Variants in ASGR2 observed in about 807,000 individuals in gnomAD.
ASGR2 encodes the protein asialoglycoprotein receptor 2, also known as C-type lectin domain family 4 member H2.
Under a neutral mutation model 32.3 loss-of-function variants are expected in ASGR2, and 34 were observed. The ratio of observed to expected loss-of-function variants is 1.05; its 90% confidence interval spans 0.80 to 1.40. ASGR2 has a LOEUF of 1.40. Ranked by LOEUF, ASGR2 falls within the 40% of genes most tolerant of loss-of-function variation. ASGR2 has a pLI of 0.00. For missense variants in ASGR2, 385 were observed against 386.4 expected (o/e 1.00, Z 0.03); for synonymous variants, 143 against 150.0 (o/e 0.95, Z 0.34).
chr17:7,107,273 G>T lies in ASGR2; in HGVS notation c.454C>A (p.Leu152Met). The T allele has an allele frequency of 6.2e-7, 1 of 1,614,044 alleles. No individual in the cohort carries two copies. The highest frequency in any genetic ancestry group is 8.5e-7 in the Non-Finnish European group (1 of 1,180,032). ...TCCATCTGGCAGGCCACGAAGCGCA[G>T]GTCCACGGGGAAGTGCTTCAGATGG... Reference protein sequence around the residue: ...LFHLKHFPVDLRFVACQMELL... With the variant: ...LFHLKHFPVDMRFVACQMELL... Residue 152 changes from leucine to methionine, a missense_variant, in exon 6 of 9, where the codon CTG becomes ATG. Coordinates refer to ENST00000691900, the MANE Select transcript of ASGR2 (RefSeq NM_001201352.2). The surrounding 1 kb of genome is among the most constrained non-coding windows in gnomAD (Gnocchi z 5.0).
At chr17:7,104,324 G>C (rs1291941371) in intron 7 of ASGR2, among the ~76,000 whole-genome samples, 4 of 124,332 alleles carry the variant, frequency 3.2e-5, no homozygotes, top group Non-Finnish European at 6.4e-5. Context: ...CTCCAGCCTG[G>C]TCAAAAAGAG....
upstream of ASGR2, chr17:7,114,934 A>T: frequency 1.0e-6 from 1 of 981,636 alleles, no homozygotes; most frequent in Non-Finnish European, 1.2e-6. The surrounding 1 kb of genome is among the most constrained non-coding windows in gnomAD (Gnocchi z 4.5). Flanking sequence ...GCTCAACTCC[A>T]CACGCCACTC....
chr17:7,108,957 G>A lies in ASGR2; in HGVS notation c.125-69C>T, dbSNP rs371044198. The A allele has an allele frequency of 9.0e-6, 12 of 1,327,394 alleles. No individual in the cohort carries two copies. The highest frequency in any genetic ancestry group is 2.8e-4 in the Middle Eastern group (1 of 3,600). 82.2% of individuals were successfully genotyped at this position (1,327,394 alleles called of 1,614,324 possible). A position where few individuals can be genotyped will look rare whatever the true frequency, so the allele number is the denominator to read the frequency against. On this transcript the variant is annotated intron_variant, in intron 2 of 8. Coordinates refer to ENST00000691900, the MANE Select transcript of ASGR2 (RefSeq NM_001201352.2). This position sits in a 1 kb window ranked among gnomAD's most constrained non-coding sequence, Gnocchi z 4.9. ...AGCCGGAGGGTAAAGACAGGGCACC[G>A]AAGCCTGAGGAGGCATAACCTGGGC...
Position 7,113,500 on chromosome 17 carries a change from A to C in ASGR2, c.124+617T>G, listed in dbSNP as rs1394195733. Among the ~76,000 whole-genome samples the C allele has an allele frequency of 6.7e-6, 1 of 148,644 alleles. No homozygotes were observed. The highest frequency in any genetic ancestry group is 2.5e-5 in the African/African-American group (1 of 40,298). On this transcript the variant is annotated intron_variant, in intron 2 of 8. Transcript: ENST00000691900. This position sits in a 1 kb window ranked among gnomAD's most constrained non-coding sequence, Gnocchi z 5.1. ...AATACACACACACAACACACACACA[A>C]CATACACAACGTACACACACACAAC...
chr17:7,114,251 G>A lies in ASGR2; in HGVS notation c.-11C>T, dbSNP rs377613539. On this transcript the variant is annotated 5_prime_UTR_variant, in exon 2 of 9. Coordinates refer to ENST00000691900, the MANE Select transcript of ASGR2 (RefSeq NM_001201352.2). The surrounding 1 kb of genome is among the most constrained non-coding windows in gnomAD (Gnocchi z 4.5). ...AAAGTCCTTGGCCATGATGGGGCCC[G>A]GGCTGGAGCTGGAGCTGGAGCTGGG... is the stretch of plus-strand genomic sequence containing the variant. The A allele has an allele frequency of 1.5e-4, 234 of 1,613,422 alleles. No homozygotes were observed. Among genetic ancestry groups the A allele is most frequent in the Non-Finnish European group, 5.8e-5 (68 of 1,179,938 alleles).
At chr17:7,101,859 G>A (rs1912869782) in intron 8 of ASGR2, 119 bp from the exon 9 acceptor site, 1 of 1,364,862 alleles carries the variant, frequency 7.3e-7, no homozygotes, top group Admixed American at 2.2e-5. Context: ...GGTGTGCCCT[G>A]CTACCCAGTC....
At chr17:7,104,424 G>C (rs1779876306) in intron 7 of ASGR2, among the ~76,000 whole-genome samples, 1 of 151,234 alleles carries the variant, frequency 6.6e-6, no homozygotes, top group Non-Finnish European at 1.5e-5. Flanking sequence ...AGGCCAGGCG[G>C]GAGGATCACC....
Position 7,107,013 on chromosome 17 carries a change from G to T in ASGR2, c.635C>A (p.Ser212Tyr), listed in dbSNP as rs765958807. ...LENAHLVVINSWEEQKFIVQH... is the reference protein window; with the variant it reads ...LENAHLVVINYWEEQKFIVQH... ...GCGTGGCCTCACCTGCTCCTCCCAG[G>T]AGTTGATGACCACCAGGTGTGCGTT... The change falls in exon 7 of 9, where the codon TCC (serine) becomes TAC (tyrosine). Residue 212 changes from serine to tyrosine, a missense_variant. By Grantham distance (144) the Ser-to-Tyr change is moderately radical. Coordinates refer to ENST00000691900, the MANE Select transcript of ASGR2 (RefSeq NM_001201352.2). The surrounding 1 kb of genome is among the most constrained non-coding windows in gnomAD (Gnocchi z 5.0). 2 of 1,614,204 alleles carry T rather than the reference G, an allele frequency of 1.2e-6. No individual in the cohort carries two copies. The highest frequency in any genetic ancestry group is 2.2e-5 in the South Asian group (2 of 91,084).
Position 7,108,417 on chromosome 17 carries a change from C to A in ASGR2, c.337+45G>T, listed in dbSNP as rs1914143402. ...GTTGCAGACTCGGCACTGAGCCCAGCAAACCTGTGCGGATAAATGAGAACC... is the reference window on the plus strand; with the variant it reads ...GTTGCAGACTCGGCACTGAGCCCAGAAAACCTGTGCGGATAAATGAGAACC... On this transcript the variant is annotated intron_variant, in intron 4 of 8. Transcript: ENST00000691900. This position sits in a 1 kb window ranked among gnomAD's most constrained non-coding sequence, Gnocchi z 4.9. 3.9e-6 allele frequency: 6 copies of A among 1,543,156 alleles called. No homozygotes were observed. The highest frequency in any genetic ancestry group is 1.2e-5 in the South Asian group (1 of 82,410).
rs985417115 is a variant in ASGR2 at position 7,113,301 on chromosome 17, CACACAT to C, written c.124+810_124+815del. Reference sequence around the variant, plus strand: ...CCCCACCTCTACACACACACACACACACACATACAATCACATACACACACTAACACA... The same window carrying C: ...CCCCACCTCTACACACACACACACACACAATCACATACACACACTAACACA... On this transcript the variant is annotated intron_variant, in intron 2 of 8. Coordinates refer to ENST00000691900, the MANE Select transcript of ASGR2 (RefSeq NM_001201352.2). The surrounding 1 kb of genome is among the most constrained non-coding windows in gnomAD (Gnocchi z 5.1). Among the ~76,000 whole-genome samples, 58 of 124,416 alleles carry C rather than the reference CACACAT, an allele frequency of 4.7e-4. No homozygotes were observed. Among genetic ancestry groups the C allele is most frequent in the Middle Eastern group, 4.9e-3 (1 of 204 alleles). 81.6% of individuals were successfully genotyped at this position (124,416 alleles called of 152,430 possible). A position where few individuals can be genotyped will look rare whatever the true frequency, so the allele number is the denominator to read the frequency against.
rs770982315 is a variant in ASGR2, at chr17:7,114,270, A to AGCTGGGCTGG, written c.-40_-31dup. ...GGGCCCGGGCTGGAGCTGGAGCTGGAGCTGGGCTGGGCTGGGCTGAGGTTG... is the reference window on the plus strand; with the variant it reads ...GGGCCCGGGCTGGAGCTGGAGCTGGAGCTGGGCTGGGCTGGGCTGGGCTGGGCTGAGGTTG... On this transcript the variant is annotated 5_prime_UTR_variant, in exon 2 of 9. Transcript: ENST00000691900. This position sits in a 1 kb window ranked among gnomAD's most constrained non-coding sequence, Gnocchi z 4.5. 6.4e-7 allele frequency: 1 copy of AGCTGGGCTGG among 1,557,854 alleles called. No homozygotes were observed. Among genetic ancestry groups the AGCTGGGCTGG allele is most frequent in the South Asian group, 1.1e-5 (1 of 90,394 alleles).
In ASGR2 at chr17:7,107,253, C is replaced by A. The variant is rs1269943630; in HGVS notation, c.474G>T (p.Gln158His). The change falls in exon 6 of 9, where the codon CAG (glutamine) becomes CAT (histidine). Residue 158 changes from glutamine (Q) to histidine (H), a missense_variant. Transcript: ENST00000691900. This position sits in a 1 kb window ranked among gnomAD's most constrained non-coding sequence, Gnocchi z 5.0. The part of the protein sequence containing the change: ...FPVDLRFVAC[Q>H]MELLHSNGSQ... ...TACCGTTGCTGTGGAGGAGCTCCAT[C>A]TGGCAGGCCACGAAGCGCAGGTCCA... 1 of 1,614,062 alleles carries A rather than the reference C, an allele frequency of 6.2e-7. No homozygotes were observed. The highest frequency in any genetic ancestry group is 2.2e-5 in the East Asian group (1 of 44,902).
At chr17:7,109,878 T>C (rs1052340639) in intron 2 of ASGR2, among the ~76,000 whole-genome samples, 3 of 152,064 alleles carry the variant, frequency 2.0e-5, no homozygotes, top group African/African-American at 7.2e-5. Context: ...CACGTCTTCC[T>C]GCACACAGAG....
chr17:7,102,675 C>T (rs7223764), intron 7 of ASGR2, among the ~76,000 whole-genome samples: 6,707 of 152,280 alleles, frequency 0.044, 469 homozygotes, highest in African/African-American at 0.15. Flanking sequence ...GCCCCCCAGA[C>T]CCCAGACCCA....
chr17:7,101,700 C>T lies in ASGR2; in HGVS notation c.796G>A (p.Glu266Lys), dbSNP rs1369634043. The change falls in exon 9 of 9, where the codon GAG becomes AAG. Residue 266 changes from glutamate (E) to lysine (K), a missense_variant. Physicochemically the swap from Glu to Lys is moderately conservative, Grantham distance 56 (BLOSUM62 1). Coordinates refer to ENST00000691900, the MANE Select transcript of ASGR2 (RefSeq NM_001201352.2). The part of the protein sequence containing the change: ...VTQPDNWHGH[E>K]LGGSEDCVEV... ...ACACAGTCTTCACTTCCACCCAGCT[C>T]GTGCCCGTGCCAATTATCTGGCTGA... 1.9e-6 allele frequency: 3 copies of T among 1,614,200 alleles called. No individual in the cohort carries two copies. Among genetic ancestry groups the T allele is most frequent in the East Asian group, 2.2e-5 (1 of 44,882 alleles).
At chr17:7,102,771 C>T (rs1913037904) in intron 7 of ASGR2, among the ~76,000 whole-genome samples, 1 of 152,170 alleles carries the variant, frequency 6.6e-6, no homozygotes, top group Non-Finnish European at 1.5e-5. Context: ...TTCCTGAGAT[C>T]TGTCAGGCCC....
At position 7,108,889 on chromosome 17, in the gene ASGR2, C is replaced by T. The variant is rs1345552908; in HGVS notation, c.125-1G>A. 76 of 1,571,418 alleles carry T rather than the reference C, an allele frequency of 4.8e-5. No individual in the cohort carries two copies. Among genetic ancestry groups the T allele is most frequent in the Non-Finnish European group, 6.5e-5 (75 of 1,159,262 alleles). ...GCCAGGGGCTGGGCAGGAGGTGGCC[C>T]TGTGGGAGAGGGGCATCAGGAGCCG... On this transcript the variant is annotated splice_acceptor_variant, in intron 2 of 8. Coordinates refer to ENST00000691900, the MANE Select transcript of ASGR2 (RefSeq NM_001201352.2). LOFTEE classifies it high-confidence loss of function. This position sits in a 1 kb window ranked among gnomAD's most constrained non-coding sequence, Gnocchi z 4.9.
At chr17:7,102,531 C>T (rs1386447983) in intron 7 of ASGR2, among the ~76,000 whole-genome samples, 2 of 152,174 alleles carry the variant, frequency 1.3e-5, no homozygotes, top group Non-Finnish European at 2.9e-5. Context: ...TGGCCACTGT[C>T]CCCTGTTCAC....
At chr17:7,106,631 C>T (rs1286835371) in intron 7 of ASGR2, among the ~76,000 whole-genome samples, 2 of 152,118 alleles carry the variant, frequency 1.3e-5, no homozygotes, top group African/African-American at 2.4e-5. Flanking sequence ...CAGCCAGACG[C>T]GGTGGTTCAC....
Sources: gnomAD v4.1 joint callset for allele counts (sites outside exome capture counted in the v4.1 genomes callset) on GRCh38, gnomAD v4.1.1 for gene constraint, Gnocchi (gnomAD v3.1) non-coding constraint, MANE v1.5 for transcripts, NCBI Gene and HGNC (gene_info 2026-07-23, HGNC 2026-07-21) for gene names.